Variants in PKIB observed in about 807,000 individuals in gnomAD.
PKIB encodes the protein PKI-beta.
Under a neutral mutation model 4.5 loss-of-function variants are expected in PKIB, and 2 were observed. That is an observed-to-expected ratio of 0.44 (90% CI 0.18 to 1.39). PKIB has a LOEUF of 1.39. Among genes scored for constraint, PKIB ranks in the 40% most tolerant of loss-of-function variants. The probability of loss-of-function intolerance (pLI) is 0.27; values close to 1 mark genes in which losing one functional copy is unlikely to be tolerated. For missense variants in PKIB, 94 were observed against 92.6 expected, an observed-to-expected ratio of 1.02 and a Z score of -0.06; for synonymous variants, 38 against 36.0, an observed-to-expected ratio of 1.06 and a Z score of -0.20.
At chr6:122,520,665 A>C (rs867425061) in intron 2 of PKIB, among the ~76,000 whole-genome samples, 7,160 of 107,110 alleles carry the variant, frequency 0.067, 4 homozygotes, top group African/African-American at 0.069. Flanking sequence ...TTATGTTCCC[A>C]CCCCCCCCCC....
intron 2 of PKIB, among the ~76,000 whole-genome samples, chr6:122,493,940 C>T (rs1475739765): frequency 6.6e-6 from 1 of 152,056 alleles, no homozygotes; most frequent in Non-Finnish European, 1.5e-5. Flanking sequence ...GATCTTCTCC[C>T]ATCCTCTCTG....
intron 2 of PKIB, among the ~76,000 whole-genome samples, chr6:122,669,005 A>T (rs1185165862): frequency 6.6e-6 from 1 of 152,218 alleles, no homozygotes; most frequent in Middle Eastern, 3.2e-3. Context: ...GCTTAAGGCC[A>T]AGAGTTTGAG....
At chr6:122,539,567 T>G (rs1359714436) in intron 2 of PKIB, among the ~76,000 whole-genome samples, 1 of 152,122 alleles carries the variant, frequency 6.6e-6, no homozygotes, top group East Asian at 1.9e-4. Context: ...TTTGATGTGC[T>G]GCTGAATTCG....
intron 2 of PKIB, among the ~76,000 whole-genome samples, chr6:122,660,837 A>G (rs1334602296): frequency 2.0e-5 from 3 of 152,188 alleles, no homozygotes; most frequent in Non-Finnish European, 4.4e-5. Context: ...CCACTGATTG[A>G]TATATCTCTG....
At chr6:122,630,030 A>C (rs185751814) in intron 1 of PKIB, among the ~76,000 whole-genome samples, 1 of 152,310 alleles carries the variant, frequency 6.6e-6, no homozygotes, top group Non-Finnish European at 1.5e-5. Flanking sequence ...CTAATGTAAG[A>C]TACAAATAAT....
At chr6:122,587,426 T>A (rs1773883409) in intron 3 of PKIB, among the ~76,000 whole-genome samples, 1 of 152,212 alleles carries the variant, frequency 6.6e-6, no homozygotes, top group South Asian at 2.1e-4. Context: ...CAGTCTATCA[T>A]TGTTGGACAT....
At chr6:122,655,688 C>G (rs1040199328) in intron 2 of PKIB, among the ~76,000 whole-genome samples, 8 of 152,086 alleles carry the variant, frequency 5.3e-5, no homozygotes, top group Non-Finnish European at 1.2e-4. Context: ...AATAAAAGTA[C>G]ACATATATAG....
At chr6:122,722,335 T>C (rs1339846245) in intron 4 of PKIB, among the ~76,000 whole-genome samples, 2 of 152,176 alleles carry the variant, frequency 1.3e-5, no homozygotes, top group East Asian at 1.9e-4. Context: ...AATCATGTTT[T>C]ATATTTTAGT....
At chr6:122,523,511 G>A (rs902119360) in intron 2 of PKIB, among the ~76,000 whole-genome samples, 9 of 152,116 alleles carry the variant, frequency 5.9e-5, no homozygotes, top group Non-Finnish European at 1.3e-4. Context: ...AGTCTCATGA[G>A]ATCTGATGGG....
At chr6:122,538,256 G>A (rs1777470462) in intron 2 of PKIB, among the ~76,000 whole-genome samples, 1 of 152,010 alleles carries the variant, frequency 6.6e-6, no homozygotes. Flanking sequence ...CCTTGCCCAT[G>A]CCTATGTCCT....
At chr6:122,559,082 A>G (rs1772939157) in intron 2 of PKIB, among the ~76,000 whole-genome samples, 1 of 152,126 alleles carries the variant, frequency 6.6e-6, no homozygotes, top group Non-Finnish European at 1.5e-5. Flanking sequence ...CTGTTAATTC[A>G]TTCCTTTTTA....
intron 2 of PKIB, among the ~76,000 whole-genome samples, chr6:122,566,224 G>T (rs1227929170): frequency 1.3e-5 from 2 of 152,116 alleles, no homozygotes; most frequent in Non-Finnish European, 2.9e-5. Context: ...TATAAAAGGG[G>T]TATTGAAGAA....
At chr6:122,534,242 T>TCAA (rs1777341300) in intron 2 of PKIB, among the ~76,000 whole-genome samples, 1 of 151,610 alleles carries the variant, frequency 6.6e-6, no homozygotes, top group Non-Finnish European at 1.5e-5. Flanking sequence ...AGAGGACTTT[T>TCAA]CTACACCACA....
chr6:122,671,129 T>A (rs1336523657), intron 2 of PKIB, among the ~76,000 whole-genome samples: 1 of 151,926 alleles, frequency 6.6e-6, no homozygotes, highest in Non-Finnish European at 1.5e-5. Context: ...CTGTCTCTAC[T>A]AAAAATACAA....
intron 3 of PKIB, among the ~76,000 whole-genome samples, chr6:122,681,850 G>A (rs1217538454): frequency 6.6e-6 from 1 of 152,186 alleles, no homozygotes; most frequent in Non-Finnish European, 1.5e-5. Context: ...TGTGCACCAT[G>A]TAACTAATGA....
chr6:122,535,879 T>C (rs1777391323), intron 2 of PKIB, among the ~76,000 whole-genome samples: 1 of 152,206 alleles, frequency 6.6e-6, no homozygotes, highest in Admixed American at 6.6e-5. Context: ...TTTGAGTCAA[T>C]TGATAAGCTT....
chr6:122,555,127 A>G (rs1191423149), intron 2 of PKIB, among the ~76,000 whole-genome samples: 7 of 152,210 alleles, frequency 4.6e-5, no homozygotes, highest in African/African-American at 1.7e-4. Context: ...GTTATGAACT[A>G]TGTGCTGGGG....
chr6:122,562,895 TG>T (rs1773075712), intron 2 of PKIB, among the ~76,000 whole-genome samples: 2 of 152,166 alleles, frequency 1.3e-5, no homozygotes, highest in South Asian at 4.1e-4. Context: ...TTCCTTGCAT[TG>T]GGCTTCACCT....
At chr6:122,501,672 C>T (rs1776241298) in intron 2 of PKIB, among the ~76,000 whole-genome samples, 1 of 152,172 alleles carries the variant, frequency 6.6e-6, no homozygotes, top group Non-Finnish European at 1.5e-5. Context: ...AACCATTTTT[C>T]CCTCCTAGAC....
Sources: gnomAD v4.1 joint callset for allele counts (sites outside exome capture counted in the v4.1 genomes callset) on GRCh38, gnomAD v4.1.1 for gene constraint, MANE v1.5 for transcripts, NCBI Gene and HGNC (gene_info 2026-07-23, HGNC 2026-07-21) for gene names.